PCDHA6: variants seen among roughly 807,000 people sequenced by gnomAD.
The protein encoded by PCDHA6 is protocadherin alpha-6.
Under a neutral mutation model 60.3 loss-of-function variants are expected in PCDHA6, and 55 were observed. The observed-to-expected ratio is 0.91, with a 90% CI of 0.73 to 1.14. The LOEUF (loss-of-function observed/expected upper bound fraction) is 1.14, where lower values mean the gene tolerates loss of function less well. Among genes scored for constraint, PCDHA6 ranks in the 50% most tolerant of loss-of-function variants. The probability of loss-of-function intolerance (pLI) is 0.00; values close to 1 mark genes in which losing one functional copy is unlikely to be tolerated. For synonymous variants in PCDHA6, 652 were observed against 557.9 expected, an observed-to-expected ratio of 1.17 and a Z score of -2.38; for missense variants, 1,327 against 1,256.5, an observed-to-expected ratio of 1.06 and a Z score of -0.85.
At chr5:140,839,084 T>G (rs2150294627) in intron 1 of PCDHA6, among the ~76,000 whole-genome samples, 9 of 152,164 alleles carry the variant, frequency 5.9e-5, no homozygotes, top group South Asian at 2.1e-4. Context: ...AAAACCTGTC[T>G]GATAATCAAT....
intron 1 of PCDHA6, chr5:140,875,866 G>T: frequency 6.2e-7 from 1 of 1,614,192 alleles, no homozygotes; most frequent in Non-Finnish European, 8.5e-7. Context: ...CAACCCGCCG[G>T]TGTTCAGAGA....
rs2150259063 is a variant in PCDHA6 at position 140,836,376 on chromosome 5, G to T, written c.2394+5891G>T. ...GCCCTCGCTGACAGCCACAGCCACCGTGCTGGTGTCGCTGGTGGAAAGCGG... is the reference window on the plus strand; with the variant it reads ...GCCCTCGCTGACAGCCACAGCCACCTTGCTGGTGTCGCTGGTGGAAAGCGG... On this transcript the variant is annotated intron_variant, in intron 1 of 3. Coordinates refer to ENST00000529310, the MANE Select transcript of PCDHA6 (RefSeq NM_018909.4). 3.7e-6 allele frequency: 6 copies of T among 1,613,644 alleles called. No homozygotes were observed. In the Admixed American group the frequency reaches 6.7e-5, roughly 18 times the overall value.
At chr5:140,923,584 T>C (rs2081432624) in intron 1 of PCDHA6, among the ~76,000 whole-genome samples, 1 of 152,172 alleles carries the variant, frequency 6.6e-6, no homozygotes, top group South Asian at 2.1e-4. Context: ...AGAGAAGGTT[T>C]GTTAATTCAT....
intron 1 of PCDHA6, among the ~76,000 whole-genome samples, chr5:140,909,407 T>C (rs1004172644): frequency 3.3e-5 from 5 of 152,172 alleles, no homozygotes; most frequent in Non-Finnish European, 7.3e-5. Context: ...GCAATTGCAG[T>C]TACCATTTGG....
chr5:140,866,542 C>T (rs533433206), intron 1 of PCDHA6: 19 of 152,230 alleles, frequency 1.2e-4, no homozygotes, highest in African/African-American at 3.4e-4. Context: ...ATTAGCATCA[C>T]GGAATAAATC....
At chr5:140,883,217 G>A (rs868963567) in intron 1 of PCDHA6, 1 of 1,613,990 alleles carries the variant, frequency 6.2e-7, no homozygotes, top group Non-Finnish European at 8.5e-7. Context: ...GAAATTATAT[G>A]AAATATCCGT....
At position 140,849,556 on chromosome 5, in the gene PCDHA6, C is replaced by G. The variant is rs2150440514; in HGVS notation, c.2394+19071C>G. On this transcript the variant is annotated intron_variant, in intron 1 of 3. Coordinates refer to ENST00000529310, the MANE Select transcript of PCDHA6 (RefSeq NM_018909.4). ...AATGCTCCACAGTTGACTATCAAAA[C>G]GCTCTCGGTTCCTGTAAAAGAGGAC... 3.1e-6 allele frequency: 5 copies of G among 1,598,518 alleles called. 1 individual carries two copies. In the Middle Eastern group the frequency reaches 5.0e-4, roughly 160 times the overall value.
intron 1 of PCDHA6, among the ~76,000 whole-genome samples, chr5:140,934,108 T>C (rs574657499): frequency 6.6e-6 from 1 of 152,276 alleles, no homozygotes; most frequent in East Asian, 1.9e-4. Flanking sequence ...TCTATTTTAT[T>C]AATTTTCATA....
intron 1 of PCDHA6, among the ~76,000 whole-genome samples, chr5:140,871,851 A>G (rs561924103): frequency 6.6e-6 from 1 of 152,382 alleles, no homozygotes; most frequent in East Asian, 1.9e-4. Flanking sequence ...AATTATGACC[A>G]TAATAACTAT....
intron 1 of PCDHA6, among the ~76,000 whole-genome samples, chr5:140,838,085 T>TA (rs1554136878): frequency 2.0e-4 from 13 of 64,188 alleles, no homozygotes; most frequent in African/African-American, 3.3e-4. Context: ...ATAGTGTGTG[T>TA]GTGTGTGTGT....
chr5:140,922,735 G>C (rs1370700616), intron 1 of PCDHA6, among the ~76,000 whole-genome samples: 1 of 152,078 alleles, frequency 6.6e-6, no homozygotes, highest in Non-Finnish European at 1.5e-5. Context: ...ACAAGGTTGA[G>C]AAAAATAAAT....
chr5:140,982,507 G>C lies in PCDHA6; in HGVS notation c.2486G>C (p.Arg829Pro). 6.2e-7 allele frequency: 1 copy of C among 1,614,138 alleles called. No homozygotes were observed. ...CACCTAGAGGAGGCTGGCATTCTAC[G>C]GGCTGGTCCAGGAGGGCCTGATCAG... ...SVHLEEAGIL[R>P]AGPGGPDQQW... is the part of the protein sequence containing the mutation. The change falls in exon 3 of 4, where the codon CGG becomes CCG. Residue 829 changes from arginine to proline, a missense_variant. Coordinates refer to ENST00000529310, the MANE Select transcript of PCDHA6 (RefSeq NM_018909.4).
chr5:140,848,851 T>C lies in PCDHA6; in HGVS notation c.2394+18366T>C, dbSNP rs2150422604. ...GACAGGCCGCTGCAGGTTTTCCATG[T>C]GGACGTGGAGGTGAAGGACATTAAC... is the stretch of plus-strand genomic sequence containing the variant. On this transcript the variant is annotated intron_variant, in intron 1 of 3. Coordinates refer to ENST00000529310, the MANE Select transcript of PCDHA6 (RefSeq NM_018909.4). 2.7e-5 allele frequency: 43 copies of C among 1,590,598 alleles called. 4 individuals carry two copies. The Middle Eastern group carries it at 5.0e-4, about 19-fold the overall frequency.
intron 3 of PCDHA6, among the ~76,000 whole-genome samples, chr5:140,986,426 T>C (rs1405347449): frequency 1.3e-5 from 2 of 152,216 alleles, no homozygotes; most frequent in East Asian, 3.9e-4. Context: ...TTTAACTTCA[T>C]GAGTACTAAT....
chr5:140,963,551 G>C (rs2095774327), intron 1 of PCDHA6, among the ~76,000 whole-genome samples: 1 of 152,158 alleles, frequency 6.6e-6, no homozygotes, highest in African/African-American at 2.4e-5. Flanking sequence ...GATATAAAAA[G>C]GGGCTGTTTT....
chr5:140,858,118 C>T (rs267600398), intron 1 of PCDHA6: 1 of 1,597,724 alleles, frequency 6.3e-7, no homozygotes, highest in East Asian at 2.2e-5. Flanking sequence ...CCGAGGTGGC[C>T]CTGGTGGATG....
chr5:140,850,953 C>A (rs2150503765), intron 1 of PCDHA6: 2 of 1,483,986 alleles, frequency 1.3e-6, no homozygotes, highest in Non-Finnish European at 1.8e-6. Context: ...TTATCGATTA[C>A]TCCCAGGGGC....
chr5:140,849,958 C>A (rs2041255697), intron 1 of PCDHA6: 1 of 1,597,774 alleles, frequency 6.3e-7, no homozygotes, highest in East Asian at 2.2e-5. Flanking sequence ...CAGGAGAACG[C>A]CCTGGTGTCC....
intron 1 of PCDHA6, among the ~76,000 whole-genome samples, chr5:140,887,550 TACTG>T (rs2061493394): frequency 1.3e-5 from 2 of 152,206 alleles, no homozygotes; most frequent in Non-Finnish European, 2.9e-5. Flanking sequence ...CCCTCATGGT[TACTG>T]TTAAAACTTT....
Sources: allele counts gnomAD v4.1 joint callset (sites outside exome capture counted in the v4.1 genomes callset), GRCh38; gene constraint gnomAD v4.1.1; transcripts MANE v1.5; gene names NCBI Gene and HGNC (gene_info 2026-07-23, HGNC 2026-07-21).